ABCA12: variants seen among roughly 807,000 people sequenced by gnomAD.
The protein encoded by ABCA12 is glucosylceramide transporter ABCA12.
Under a neutral mutation model 293.5 loss-of-function variants are expected in ABCA12, and 156 were observed. The ratio of observed to expected loss-of-function variants is 0.53; its 90% CI spans 0.47 to 0.61. The LOEUF is 0.61. Among genes scored for constraint, ABCA12 ranks in the 20% least tolerant of loss-of-function variants. The pLI, the probability that ABCA12 is intolerant of heterozygous loss-of-function variation, is 0.00. For missense variants in ABCA12, 2,797 were observed against 3,090.2 expected, an observed-to-expected ratio of 0.91 and a Z score of 2.25; for synonymous variants, 1,063 against 1,108.0, an observed-to-expected ratio of 0.96 and a Z score of 0.81.
intron 2 of ABCA12, among the ~76,000 whole-genome samples, chr2:215,090,433 A>G (rs116373809): frequency 0.051 from 7,774 of 152,142 alleles, 624 homozygotes; most frequent in African/African-American, 0.17. Context: ...ACATCTCCCC[A>G]ATTTTAAATC....
At chr2:215,049,509 G>A in intron 6 of ABCA12, 117 bp downstream of exon 6, 8 of 1,012,994 alleles carry the variant, frequency 7.9e-6, no homozygotes, top group Non-Finnish European at 1.2e-5. Flanking sequence ...GTCTATGTGA[G>A]GAAAACATGC....
rs1340339552 is a variant in ABCA12 at position 214,978,394 on chromosome 2, T to C, written c.5050A>G (p.Ile1684Val). Residue 1684 changes from isoleucine to valine, a missense_variant, in exon 33 of 53, where the codon ATT becomes GTT. Around this residue, in one of 3 missense-constraint regions of ABCA12, gnomAD observed 2,130 missense variants for 2,427.0 expected, o/e 0.88. Coordinates refer to ENST00000272895, the MANE Select transcript of ABCA12 (RefSeq NM_173076.3). Reference protein sequence around the residue: ...MSLEHLTQKKIGNSNANGIST... With the variant: ...MSLEHLTQKKVGNSNANGIST... ...ATGCCATTGGCATTGGAATTCCCAA[T>C]TTTCTTTTGTGTTAAGTGCTCAAGA... 1 of 1,613,966 alleles carries C rather than the reference T, an allele frequency of 6.2e-7. No homozygotes were observed. Among genetic ancestry groups the C allele is most frequent in the Admixed American group, 1.7e-5 (1 of 60,018 alleles).
intron 1 of ABCA12, among the ~76,000 whole-genome samples, chr2:215,136,396 T>A (rs187439931): frequency 6.6e-6 from 1 of 152,236 alleles, no homozygotes; most frequent in East Asian, 1.9e-4. Flanking sequence ...AAATTTGTCA[T>A]TAAAATTTCT....
intron 2 of ABCA12, among the ~76,000 whole-genome samples, chr2:215,081,254 G>A (rs962711514): frequency 1.3e-5 from 2 of 151,970 alleles, no homozygotes; most frequent in African/African-American, 2.4e-5. Flanking sequence ...GAGGCAGTCC[G>A]ATCACCTGAG....
intron 38 of ABCA12, 68 bp from the exon 39 acceptor site, chr2:214,967,021 A>G: frequency 1.7e-6 from 2 of 1,163,442 alleles, no homozygotes; most frequent in Non-Finnish European, 1.3e-6. Context: ...TTAACATCTG[A>G]CAGCTATCTT....
intron 23 of ABCA12, among the ~76,000 whole-genome samples, chr2:214,991,274 G>C (rs1374822940): frequency 1.3e-5 from 2 of 152,112 alleles, no homozygotes; most frequent in Non-Finnish European, 2.9e-5. Flanking sequence ...GGATGGTGAG[G>C]GTTTAATTAC....
chr2:215,126,745 C>A (rs557766241), intron 1 of ABCA12, among the ~76,000 whole-genome samples: 1 of 151,964 alleles, frequency 6.6e-6, no homozygotes, highest in South Asian at 2.1e-4. Context: ...TTCAAAAAAC[C>A]AGCTTTTTGT....
chr2:215,019,504 G>A, intron 12 of ABCA12, 36 bp downstream of exon 12: 1 of 1,613,978 alleles, frequency 6.2e-7, no homozygotes, highest in Non-Finnish European at 8.5e-7. Flanking sequence ...TTTTGAAAGA[G>A]ATTTCACCAA....
chr2:215,095,262 A>G (rs1702227415), intron 2 of ABCA12, among the ~76,000 whole-genome samples: 1 of 152,108 alleles, frequency 6.6e-6, no homozygotes, highest in South Asian at 2.1e-4. Context: ...AAACTCACCA[A>G]CCAAGCAAGT....
intron 21 of ABCA12, among the ~76,000 whole-genome samples, chr2:215,001,290 T>C (rs1353948504): frequency 6.6e-6 from 1 of 152,228 alleles, no homozygotes; most frequent in East Asian, 1.9e-4. Flanking sequence ...CACTTTTAGA[T>C]AAATAATGAC....
chr2:215,106,820 C>T (rs1702472482), intron 2 of ABCA12, among the ~76,000 whole-genome samples: 1 of 150,780 alleles, frequency 6.6e-6, no homozygotes, highest in African/African-American at 2.4e-5. Context: ...TGAGTAACAT[C>T]TGGATGGGTG....
intron 1 of ABCA12, among the ~76,000 whole-genome samples, chr2:215,127,863 CT>C (rs1702961477): frequency 6.6e-6 from 1 of 151,972 alleles, no homozygotes; most frequent in African/African-American, 2.4e-5. Flanking sequence ...CTTTATTTTG[CT>C]TTTTAACTTG....
intron 44 of ABCA12, among the ~76,000 whole-genome samples, chr2:214,953,057 A>G (rs936538622): frequency 6.6e-6 from 1 of 152,220 alleles, no homozygotes; most frequent in Non-Finnish European, 1.5e-5. Flanking sequence ...GAGATAGTCT[A>G]TGGATATGTC....
chr2:215,016,843 C>A (rs1215844667), intron 14 of ABCA12, among the ~76,000 whole-genome samples: 3 of 151,898 alleles, frequency 2.0e-5, no homozygotes, highest in Non-Finnish European at 4.4e-5. Context: ...TTTATTGCCA[C>A]CGAGTTGAAA....
intron 1 of ABCA12, among the ~76,000 whole-genome samples, chr2:215,113,623 C>A (rs939694760): frequency 6.6e-6 from 1 of 152,108 alleles, no homozygotes; most frequent in Non-Finnish European, 1.5e-5. Flanking sequence ...TTACAAAGTC[C>A]TGGAATATTT....
At chr2:214,937,437 G>T in intron 51 of ABCA12, 73 bp downstream of exon 51, 1 of 1,218,464 alleles carries the variant, frequency 8.2e-7, no homozygotes, top group Non-Finnish European at 1.2e-6. Flanking sequence ...GACCTCAAGT[G>T]ATTGCCCGCC....
chr2:214,975,024 G>A (rs7576757), intron 34 of ABCA12, among the ~76,000 whole-genome samples, 160 bp from the exon 35 acceptor site: 74,735 of 152,040 alleles, frequency 0.49, 18,535 homozygotes, highest in Middle Eastern at 0.59. Flanking sequence ...GTGCAGTAGT[G>A]CAATCACACG....
At chr2:215,081,286 T>A (rs1389106644) in intron 2 of ABCA12, among the ~76,000 whole-genome samples, 1 of 152,026 alleles carries the variant, frequency 6.6e-6, no homozygotes, top group Non-Finnish European at 1.5e-5. Context: ...GAGACCAGCC[T>A]GGCCAACATG....
intron 2 of ABCA12, among the ~76,000 whole-genome samples, chr2:215,074,112 G>A (rs1299327825): frequency 6.6e-6 from 1 of 152,078 alleles, no homozygotes; most frequent in Non-Finnish European, 1.5e-5. Context: ...ATAATAACCT[G>A]GGAATGAATA....
Sources: gnomAD v4.1 joint callset for allele counts (sites outside exome capture counted in the v4.1 genomes callset) on GRCh38, gnomAD v4.1.1 for gene constraint, gnomAD v4.1.1 regional missense constraint, MANE v1.5 for transcripts, NCBI Gene and HGNC (gene_info 2026-07-23, HGNC 2026-07-21) for gene names.